EXPH5: variants seen among roughly 807,000 people sequenced by gnomAD.
EXPH5 encodes the protein exophilin 5.
A neutral mutation model predicts 41.1 loss-of-function variants in EXPH5; 42 were observed. The observed-to-expected ratio is 1.02, with a 90% CI of 0.80 to 1.32. The LOEUF (loss-of-function observed/expected upper bound fraction) is 1.32, where lower values mean the gene tolerates loss of function less well. Among genes scored for constraint, EXPH5 ranks in the 40% most tolerant of loss-of-function variants. The pLI is 0.00. For synonymous variants in EXPH5, 798 were observed against 833.5 expected (o/e 0.96, Z 0.73); for missense variants, 2,298 against 2,314.5 (o/e 0.99, Z 0.15).
At position 108,510,038 on chromosome 11, in the gene EXPH5, G is replaced by A; in HGVS notation, c.5469C>T (p.Ser1823=). 1 of 1,612,310 alleles carries A rather than the reference G, an allele frequency of 6.2e-7. No individual in the cohort carries two copies. Among genetic ancestry groups the A allele is most frequent in the Non-Finnish European group, 8.5e-7 (1 of 1,179,414 alleles). The part of the protein sequence containing the change: ...PKVRERHFSE[S]TSIDNALSRL... ...GACTCAGGGCATTGTCAATAGAAGT[G>A]CTTTCAGAAAAATGGCGCTCCCTGA... Residue 1823 remains serine (S), a synonymous_variant, in exon 6 of 6, where the codon AGC becomes AGT. Coordinates refer to ENST00000265843, the MANE Select transcript of EXPH5 (RefSeq NM_015065.3).
At chr11:108,594,673 CT>C (rs2094136133), upstream of EXPH5, among the ~76,000 whole-genome samples, 1 of 152,154 alleles carries the variant, frequency 6.6e-6, no homozygotes, top group South Asian at 2.1e-4. Flanking sequence ...GTCAGATTGA[CT>C]TTCCTGCCCC....
intron 4 of EXPH5, among the ~76,000 whole-genome samples, chr11:108,518,732 C>T (rs952885225): frequency 6.6e-6 from 1 of 152,208 alleles, no homozygotes; most frequent in African/African-American, 2.4e-5. Flanking sequence ...GCTGCATTCC[C>T]AGCCGGTTAA....
At chr11:108,519,724 G>A (rs1405682737) in intron 4 of EXPH5, among the ~76,000 whole-genome samples, 3 of 151,422 alleles carry the variant, frequency 2.0e-5, no homozygotes, top group Non-Finnish European at 4.4e-5. Context: ...CACCAGCCTG[G>A]GCGACAGAGT....
the EXPH5 span, among the ~76,000 whole-genome samples, chr11:108,602,920 C>T: frequency 1.0e-3 from 153 of 152,202 alleles, no homozygotes; most frequent in African/African-American, 3.5e-3. Flanking sequence ...CCCCATAATC[C>T]CCATGTGTTG....
At chr11:108,559,051 GTTATTTCCAGA>G (rs2094001360) in intron 1 of EXPH5, among the ~76,000 whole-genome samples, 1 of 152,052 alleles carries the variant, frequency 6.6e-6, no homozygotes, top group African/African-American at 2.4e-5. Context: ...AGTAAGAACA[GTTATTTCCAGA>G]TTATTTCCAG....
chr11:108,587,567 T>C (rs1232493597), intron 1 of EXPH5, among the ~76,000 whole-genome samples: 1 of 152,150 alleles, frequency 6.6e-6, no homozygotes, highest in African/African-American at 2.4e-5. Context: ...ACATTAACAT[T>C]GTAAAGAAAA....
At chr11:108,556,752 G>A (rs1038255039) in intron 1 of EXPH5, among the ~76,000 whole-genome samples, 1 of 152,224 alleles carries the variant, frequency 6.6e-6, no homozygotes, top group South Asian at 2.1e-4. Flanking sequence ...TGGGGTTACA[G>A]GCTGAGTCAT....
In EXPH5 at chr11:108,513,064, C is replaced by T; in HGVS notation, c.2443G>A (p.Glu815Lys). Residue 815 changes from glutamate (E) to lysine (K), a missense_variant, in exon 6 of 6, where the codon GAA becomes AAA. Coordinates refer to ENST00000265843, the MANE Select transcript of EXPH5 (RefSeq NM_015065.3). The stretch of plus-strand genomic sequence containing the variant: ...GGGAAAGATGGTGGTGTTCTGTGTT[C>T]CTGAATGAAAGGAAGGGAAGCTGTT... ...GSTASLPFIQ[E>K]HRTPPSFPRT... 3 of 1,612,492 alleles carry T rather than the reference C, an allele frequency of 1.9e-6. No homozygotes were observed. Among genetic ancestry groups the T allele is most frequent in the Non-Finnish European group, 8.5e-7 (1 of 1,179,606 alleles).
chr11:108,552,857 A>G (rs1036213900), intron 1 of EXPH5, among the ~76,000 whole-genome samples: 1 of 152,100 alleles, frequency 6.6e-6, no homozygotes, highest in Non-Finnish European at 1.5e-5. Context: ...TCAAGGCTGC[A>G]GTGAGCTGAG....
At chr11:108,573,763 C>T (rs183076676) in intron 1 of EXPH5, among the ~76,000 whole-genome samples, 2 of 152,248 alleles carry the variant, frequency 1.3e-5, no homozygotes, top group Admixed American at 6.5e-5. Flanking sequence ...GTGAATATTA[C>T]TCTAATCTCT....
At chr11:108,559,006 C>T (rs1018819316) in intron 1 of EXPH5, among the ~76,000 whole-genome samples, 2 of 152,142 alleles carry the variant, frequency 1.3e-5, no homozygotes, top group South Asian at 4.1e-4. Flanking sequence ...CTAGCTCAGA[C>T]CCCCCTCACC....
intron 1 of EXPH5, among the ~76,000 whole-genome samples, chr11:108,580,511 G>A (rs527341437): frequency 1.3e-5 from 2 of 152,284 alleles, no homozygotes; most frequent in Admixed American, 1.3e-4. Context: ...GGTCCTTCAA[G>A]ACACTACATA....
In EXPH5 at chr11:108,514,040, G is replaced by A. The variant is rs750363141; in HGVS notation, c.1467C>T (p.Phe489=). 6.2e-7 allele frequency: 1 copy of A among 1,614,144 alleles called. No individual in the cohort carries two copies. Among genetic ancestry groups the A allele is most frequent in the Admixed American group, 1.7e-5 (1 of 60,028 alleles). ...PFWGQEKGHS[F]WSDFHRSRKS... ...TCCTGCTTCGATGAAAGTCAGACCA[G>A]AAAGAATGTCCTTTCTCTTGGCCCC... Residue 489 remains phenylalanine (F), a synonymous_variant, in exon 6 of 6, where the codon TTC becomes TTT. Transcript: ENST00000265843.
Position 108,514,239 on chromosome 11 carries a change from A to T in EXPH5, c.1268T>A (p.Val423Asp). 6.2e-7 allele frequency: 1 copy of T among 1,614,214 alleles called. No individual in the cohort carries two copies. The highest frequency in any genetic ancestry group is 8.5e-7 in the Non-Finnish European group (1 of 1,180,032). Residue 423 changes from valine (V) to aspartate (D), a missense_variant, in exon 6 of 6, where the codon GTT becomes GAT. Val to Asp is a radical substitution (Grantham distance 152). Transcript: ENST00000265843. ...AGCATTTAAACTAACACGTTGGTAA[A>T]CATTCTGTGAATGGTACGATTCATA... ...KRYESYHSQNVYQRVSLNAPM... is the reference protein window; with the variant it reads ...KRYESYHSQNDYQRVSLNAPM...
intron 1 of EXPH5, among the ~76,000 whole-genome samples, chr11:108,573,204 AAG>A (rs2094068816): frequency 2.0e-5 from 3 of 146,580 alleles, no homozygotes; most frequent in Admixed American, 6.7e-5. Context: ...AAGAAAAAGA[AAG>A]AAAGAAAGAA....
At chr11:108,561,439 A>C (rs2094011302) in intron 1 of EXPH5, among the ~76,000 whole-genome samples, 1 of 152,220 alleles carries the variant, frequency 6.6e-6, no homozygotes, top group Non-Finnish European at 1.5e-5. Context: ...CGATCAAGCC[A>C]CAGAAGTAAT....
At chr11:108,594,128 AG>A (rs1437741093), upstream of EXPH5, among the ~76,000 whole-genome samples, 17 of 152,180 alleles carry the variant, frequency 1.1e-4, no homozygotes, top group Admixed American at 3.3e-4. Context: ...AACTGGCAAA[AG>A]GGTTACTTAT....
the EXPH5 span, among the ~76,000 whole-genome samples, chr11:108,600,992 G>C: frequency 6.6e-6 from 1 of 152,210 alleles, no homozygotes; most frequent in Non-Finnish European, 1.5e-5. Flanking sequence ...AGCATGCTAA[G>C]TCCTGCAGCA....
chr11:108,561,560 G>A (rs2094011684), intron 1 of EXPH5, among the ~76,000 whole-genome samples: 2 of 152,150 alleles, frequency 1.3e-5, no homozygotes, highest in Admixed American at 1.3e-4. Context: ...GTGGTCATGG[G>A]TAGTTCCTGT....
Sources: gnomAD v4.1 joint callset for allele counts (sites outside exome capture counted in the v4.1 genomes callset) on GRCh38, gnomAD v4.1.1 for gene constraint, MANE v1.5 for transcripts, NCBI Gene and HGNC (gene_info 2026-07-23, HGNC 2026-07-21) for gene names.